NUDCD1: variants seen among roughly 807,000 people sequenced by gnomAD.
NUDCD1 encodes NudC domain containing 1.
NUDCD1 carries 60 observed loss-of-function variants against 67.8 expected under a neutral mutation model. That is an observed-to-expected ratio of 0.88 (90% confidence interval 0.72 to 1.10). NUDCD1 has a LOEUF of 1.10. Among genes scored for constraint, NUDCD1 ranks in the 50% least tolerant of loss-of-function variants. The pLI, the probability that NUDCD1 is intolerant of heterozygous loss-of-function variation, is 0.00. For missense variants in NUDCD1, 643 were observed against 695.0 expected (o/e 0.93, Z 0.84); for synonymous variants, 244 against 230.8 (o/e 1.06, Z -0.52).
rs1224740013 is a variant in NUDCD1, at chr8:109,281,009, A to G, written c.987T>C (p.Ile329=). 4 of 1,609,218 alleles carry G rather than the reference A, an allele frequency of 2.5e-6. No homozygotes were observed. Among genetic ancestry groups the G allele is most frequent in the Middle Eastern group, 1.7e-4 (1 of 6,044 alleles). ...TTATCCATGTACTGCTTTCATGATC[A>G]ATAGATGAATAGAGTTTTCCTTCTA... ...QFLEGKLYSS[I]DHESSTWIIK... The change falls in exon 6 of 10, where the codon ATT becomes ATC. Residue 329 remains isoleucine (I), a synonymous_variant. Coordinates refer to ENST00000239690, the MANE Select transcript of NUDCD1 (RefSeq NM_032869.4).
At chr8:109,262,094 A>G (rs931727278) in intron 8 of NUDCD1, among the ~76,000 whole-genome samples, 1 of 152,260 alleles carries the variant, frequency 6.6e-6, no homozygotes, top group Non-Finnish European at 1.5e-5. Context: ...TCTATGGGCT[A>G]AAGGAATCTA....
At chr8:109,247,019 G>A (rs1384678184) in intron 8 of NUDCD1, among the ~76,000 whole-genome samples, 2 of 152,220 alleles carry the variant, frequency 1.3e-5, no homozygotes, top group Non-Finnish European at 2.9e-5. Context: ...CGTAGAGCCA[G>A]TGCTTGCTCT....
At chr8:109,265,550 G>C (rs1168356449) in intron 8 of NUDCD1, among the ~76,000 whole-genome samples, 1 of 151,980 alleles carries the variant, frequency 6.6e-6, no homozygotes, top group African/African-American at 2.4e-5. Context: ...TTTTCTGTTT[G>C]TAACTCTTCC....
At chr8:109,306,401 C>T (rs1273860397) in intron 2 of NUDCD1, among the ~76,000 whole-genome samples, 1 of 152,116 alleles carries the variant, frequency 6.6e-6, no homozygotes. Context: ...CTCTCCTAGC[C>T]GTTTCTAATC....
chr8:109,270,362 A>C (rs1275844028), intron 8 of NUDCD1, among the ~76,000 whole-genome samples: 1 of 152,086 alleles, frequency 6.6e-6, no homozygotes, highest in Non-Finnish European at 1.5e-5. Context: ...AGTTTATTCT[A>C]CACACCAATT....
chr8:109,291,071 C>A (rs1010420034), intron 4 of NUDCD1, among the ~76,000 whole-genome samples: 1 of 152,174 alleles, frequency 6.6e-6, no homozygotes, highest in African/African-American at 2.4e-5. Flanking sequence ...TCCCAGCATG[C>A]ATGGGACAGA....
chr8:109,322,907 A>T (rs1586311736), intron 1 of NUDCD1, among the ~76,000 whole-genome samples: 1 of 152,340 alleles, frequency 6.6e-6, no homozygotes, highest in African/African-American at 2.4e-5. Flanking sequence ...AACTTTTAAA[A>T]TCTCATTATA....
intron 9 of NUDCD1, among the ~76,000 whole-genome samples, chr8:109,245,078 G>C (rs1288197934): frequency 6.6e-6 from 1 of 152,016 alleles, no homozygotes. Context: ...TAATTCAAGT[G>C]GTTAGATAAC....
intron 2 of NUDCD1, chr8:109,313,971 GAA>G: frequency 2.6e-6 from 1 of 377,904 alleles, no homozygotes; most frequent in Non-Finnish European, 5.1e-6. Flanking sequence ...CAGTTAAAGT[GAA>G]AGCAAACTAA....
At chr8:109,305,673 C>A (rs1047886182) in intron 2 of NUDCD1, among the ~76,000 whole-genome samples, 1 of 152,150 alleles carries the variant, frequency 6.6e-6, no homozygotes, top group African/African-American at 2.4e-5. Flanking sequence ...ATCTTCCTGT[C>A]CTCCAGCAGG....
intron 3 of NUDCD1, 66 bp from the exon 4 acceptor site, chr8:109,293,590 G>T (rs1814762374): frequency 3.8e-6 from 3 of 794,324 alleles, no homozygotes; most frequent in South Asian, 3.1e-5. Context: ...AGCATAGAGG[G>T]AATATATAGG....
intron 2 of NUDCD1, among the ~76,000 whole-genome samples, chr8:109,314,816 A>G (rs1288342268): frequency 6.6e-6 from 1 of 152,118 alleles, no homozygotes; most frequent in Non-Finnish European, 1.5e-5. Context: ...TAAACTATAT[A>G]TATTTATAAA....
At chr8:109,313,174 C>G (rs1586302834) in intron 2 of NUDCD1, among the ~76,000 whole-genome samples, 1 of 152,124 alleles carries the variant, frequency 6.6e-6, no homozygotes, top group East Asian at 1.9e-4. Context: ...ATGTGTTCTC[C>G]CTTACTGCAA....
At chr8:109,284,463 C>T (rs1465996463) in intron 5 of NUDCD1, among the ~76,000 whole-genome samples, 2 of 152,086 alleles carry the variant, frequency 1.3e-5, no homozygotes, top group Non-Finnish European at 2.9e-5. Flanking sequence ...CACCCATCAA[C>T]CACAGAATAT....
At chr8:109,275,102 A>G (rs1018809132) in intron 7 of NUDCD1, among the ~76,000 whole-genome samples, 5 of 151,502 alleles carry the variant, frequency 3.3e-5, no homozygotes, top group Non-Finnish European at 7.4e-5. Flanking sequence ...CGCACAATAC[A>G]TACGCACACA....
chr8:109,243,606 C>T (rs566871217), intron 9 of NUDCD1, among the ~76,000 whole-genome samples: 1 of 152,220 alleles, frequency 6.6e-6, no homozygotes, highest in East Asian at 1.9e-4. Context: ...ATTCTAAAAT[C>T]TAAAACACTC....
At chr8:109,243,329 A>G (rs771343018) in intron 9 of NUDCD1, 28 bp from the exon 10 acceptor site, 6 of 1,516,508 alleles carry the variant, frequency 4.0e-6, no homozygotes, top group African/African-American at 1.4e-5. Context: ...CAAACAAAAG[A>G]AAAACTATAT....
intron 6 of NUDCD1, among the ~76,000 whole-genome samples, chr8:109,277,444 A>G (rs2129972777): frequency 6.6e-6 from 1 of 151,440 alleles, no homozygotes; most frequent in East Asian, 1.9e-4. Flanking sequence ...TAAAACTAGT[A>G]TTGTATGCTA....
rs115127988 is a variant in NUDCD1, at chr8:109,272,943, G to C, written c.1174-1813C>G. On this transcript the variant is annotated intron_variant, in intron 7 of 9. Transcript: ENST00000239690. ...ATCTATGTCCAGCAGAATAGAGAAA[G>C]TACCCTATAGATTTCTCCTTCCCTT... is the stretch of plus-strand genomic sequence containing the variant. Among the ~76,000 whole-genome samples, 1,111 of 152,218 alleles carry C rather than the reference G, an allele frequency of 7.3e-3. 20 individuals carry two copies. Among genetic ancestry groups the C allele is most frequent in the African/African-American group, 0.026 (1,073 of 41,534 alleles).
Sources: allele counts gnomAD v4.1 joint callset (sites outside exome capture counted in the v4.1 genomes callset), GRCh38; gene constraint gnomAD v4.1.1; transcripts MANE v1.5; gene names NCBI Gene and HGNC (gene_info 2026-07-23, HGNC 2026-07-21).